AGMO: variants seen among roughly 807,000 people sequenced by gnomAD.
AGMO encodes the protein alkylglycerol monooxygenase.
A neutral mutation model predicts 60.2 loss-of-function variants in AGMO; 75 were observed. The observed-to-expected ratio is 1.25, with a 90% CI of 1.03 to 1.51. The LOEUF (loss-of-function observed/expected upper bound fraction) is 1.51. AGMO is among the 40% of genes most tolerant of loss of function. The probability of loss-of-function intolerance (pLI) is 0.00; values close to 1 mark genes in which losing one functional copy is unlikely to be tolerated. For missense variants in AGMO, 763 were observed against 525.5 expected (o/e 1.45, Z -4.42); for synonymous variants, 261 against 177.1 (o/e 1.47, Z -3.76).
intron 12 of AGMO, chr7:15,306,623 A>C: frequency 2.4e-6 from 1 of 423,144 alleles, no homozygotes. Context: ...CTTGCTAAAA[A>C]GTTAATATGG....
At chr7:15,298,740 T>C (rs979145822) in intron 12 of AGMO, among the ~76,000 whole-genome samples, 7 of 152,104 alleles carry the variant, frequency 4.6e-5, no homozygotes, top group African/African-American at 1.7e-4. Flanking sequence ...AATTTTAAGC[T>C]ATAGCCTATT....
At chr7:15,473,384 C>A (rs879242170) in intron 3 of AGMO, among the ~76,000 whole-genome samples, 1 of 152,008 alleles carries the variant, frequency 6.6e-6, no homozygotes, top group Admixed American at 6.6e-5. Context: ...GGGACTCCTC[C>A]TTAACTCATT....
At chr7:15,472,606 A>G (rs1331910557) in intron 3 of AGMO, among the ~76,000 whole-genome samples, 1 of 151,942 alleles carries the variant, frequency 6.6e-6, no homozygotes, top group Non-Finnish European at 1.5e-5. Flanking sequence ...AATCACAGAA[A>G]GAATTAAACG....
chr7:15,244,669 G>C (rs1000321105), intron 12 of AGMO, among the ~76,000 whole-genome samples: 1 of 151,896 alleles, frequency 6.6e-6, no homozygotes, highest in Non-Finnish European at 1.5e-5. Context: ...TTTTTTTGGA[G>C]ACAGAGTCGT....
At chr7:15,399,226 G>C (rs1016033803) in intron 5 of AGMO, among the ~76,000 whole-genome samples, 5 of 152,174 alleles carry the variant, frequency 3.3e-5, no homozygotes, top group African/African-American at 4.8e-5. Context: ...GGTTCAGAAA[G>C]TCAGGAAGAC....
At chr7:15,218,119 G>A (rs1259031165) in intron 12 of AGMO, among the ~76,000 whole-genome samples, 1 of 152,036 alleles carries the variant, frequency 6.6e-6, no homozygotes, top group Non-Finnish European at 1.5e-5. Flanking sequence ...ATTAAATGCT[G>A]TAGATGATAA....
At chr7:15,135,493 C>T in the AGMO span, among the ~76,000 whole-genome samples, 1 of 152,018 alleles carries the variant, frequency 6.6e-6, no homozygotes, top group African/African-American at 2.4e-5. Context: ...TGGAAACAGG[C>T]TAGCTTAGAA....
At chr7:15,450,499 A>C (rs746205376) in intron 3 of AGMO, among the ~76,000 whole-genome samples, 1 of 152,088 alleles carries the variant, frequency 6.6e-6, no homozygotes, top group Non-Finnish European at 1.5e-5. Flanking sequence ...TAACATATTT[A>C]TGCTAGTGCT....
chr7:15,163,718 T>C, the AGMO span, among the ~76,000 whole-genome samples: 1 of 152,124 alleles, frequency 6.6e-6, no homozygotes, highest in Non-Finnish European at 1.5e-5. Flanking sequence ...GGATTCAGTT[T>C]GCTAGTATTC....
At chr7:15,211,143 T>A (rs1221794447) in intron 12 of AGMO, among the ~76,000 whole-genome samples, 1 of 152,052 alleles carries the variant, frequency 6.6e-6, no homozygotes. Context: ...GAGGTCAATT[T>A]GATTTTGTTT....
Position 15,365,380 on chromosome 7 carries a change from T to TAAAAAAAAAAAAAAAAAAAAAAAA in AGMO, c.1263+133_1263+134insTTTTTTTTTTTTTTTTTTTTTTTT, listed in dbSNP as rs60202363. The TAAAAAAAAAAAAAAAAAAAAAAAA allele has an allele frequency of 6.4e-4, 144 of 223,928 alleles. 9 individuals are homozygous for TAAAAAAAAAAAAAAAAAAAAAAAA. The highest frequency in any genetic ancestry group is 2.7e-3 in the African/African-American group (46 of 17,252). The allele number at this position is 223,928 out of a possible 1,614,324, so 13.9% of individuals were successfully genotyped here. A position where few individuals can be genotyped will look rare whatever the true frequency, so the allele number is the denominator to read the frequency against. On this transcript the variant is annotated intron_variant, in intron 12 of 12. Coordinates refer to ENST00000342526, the MANE Select transcript of AGMO (RefSeq NM_001004320.2). ...GACACAACTAACAAGTACTGGTAAG[T>TAAAAAAAAAAAAAAAAAAAAAAAA]AAAAAAAAAAAAAAAGATCAAGATT...
intron 2 of AGMO, among the ~76,000 whole-genome samples, chr7:15,553,873 A>C (rs1424471085): frequency 6.6e-6 from 1 of 152,116 alleles, no homozygotes; most frequent in Non-Finnish European, 1.5e-5. Context: ...TGCCTAACAT[A>C]CTACAGTCAA....
chr7:15,389,620 A>G (rs1039389855), intron 8 of AGMO, among the ~76,000 whole-genome samples: 3 of 152,122 alleles, frequency 2.0e-5, no homozygotes, highest in East Asian at 1.9e-4. Flanking sequence ...TTACGTAAAG[A>G]GGCAGCACTG....
chr7:15,386,657 T>C (rs1783928037), intron 9 of AGMO, among the ~76,000 whole-genome samples: 1 of 152,208 alleles, frequency 6.6e-6, no homozygotes, highest in African/African-American at 2.4e-5. Flanking sequence ...TCTTATTTCC[T>C]TGAAACATCA....
chr7:15,250,121 A>G (rs1185497403), intron 12 of AGMO, among the ~76,000 whole-genome samples: 1 of 152,192 alleles, frequency 6.6e-6, no homozygotes, highest in Non-Finnish European at 1.5e-5. Context: ...CACATTTTGT[A>G]AAATGATTAG....
intron 4 of AGMO, among the ~76,000 whole-genome samples, chr7:15,421,044 G>A (rs1000936280): frequency 5.3e-5 from 8 of 152,158 alleles, no homozygotes; most frequent in Non-Finnish European, 1.2e-4. Flanking sequence ...CTTACTAAGT[G>A]AACGTGGCGA....
At position 15,305,713 on chromosome 7, in the gene AGMO, A is replaced by G. The variant is rs148775858; in HGVS notation, c.1263+59801T>C. ...AGACATGCAACTAATTTACTAGGGTACTATAGTTATATAAGCAACTCGGTT... is the reference window on the plus strand; with the variant it reads ...AGACATGCAACTAATTTACTAGGGTGCTATAGTTATATAAGCAACTCGGTT... On this transcript the variant is annotated intron_variant, in intron 12 of 12. Coordinates refer to ENST00000342526, the MANE Select transcript of AGMO (RefSeq NM_001004320.2). Among the ~76,000 whole-genome samples the G allele has an allele frequency of 1.3e-3, 191 of 152,086 alleles. 1 individual carries two copies. Among genetic ancestry groups the G allele is most frequent in the Middle Eastern group, 6.8e-3 (2 of 294 alleles).
chr7:15,185,123 G>A, the AGMO span, among the ~76,000 whole-genome samples: 3 of 151,970 alleles, frequency 2.0e-5, no homozygotes, highest in Non-Finnish European at 4.4e-5. Flanking sequence ...ATTTAGGGAA[G>A]TTTTTTTATA....
At chr7:15,308,898 A>G (rs774039873) in intron 12 of AGMO, among the ~76,000 whole-genome samples, 21 of 152,288 alleles carry the variant, frequency 1.4e-4, no homozygotes, top group South Asian at 4.1e-4. Flanking sequence ...AACAGATTCA[A>G]TCCAATTTGT....
Sources: gnomAD v4.1 joint callset for allele counts (sites outside exome capture counted in the v4.1 genomes callset) on GRCh38, gnomAD v4.1.1 for gene constraint, MANE v1.5 for transcripts, NCBI Gene and HGNC (gene_info 2026-07-23, HGNC 2026-07-21) for gene names.